Variants in LRRC7 observed in about 807,000 individuals in gnomAD.
LRRC7 encodes the protein leucine rich repeat containing 7, also known as leucine-rich repeat-containing protein 7.
A neutral mutation model predicts 175.7 loss-of-function variants in LRRC7; 23 were observed. That is an observed-to-expected ratio of 0.13 (90% CI 0.09 to 0.19). LRRC7 has a LOEUF of 0.19. Ranked by LOEUF, LRRC7 falls within the 10% of genes least tolerant of loss-of-function variation. LRRC7 has a pLI of 1.00. For synonymous variants in LRRC7, 685 were observed against 680.9 expected (o/e 1.01, Z -0.09); for missense variants, 1,354 against 1,904.7 (o/e 0.71, Z 5.38).
In LRRC7 at chr1:70,140,443, A is replaced by C. The variant is rs753068436; in HGVS notation, c.*18556A>C. 6 of 152,068 alleles carry C rather than the reference A, an allele frequency of 3.9e-5. No homozygotes were observed. The highest frequency in any genetic ancestry group is 7.4e-5 in the Non-Finnish European group (5 of 68,002). 9.4% of individuals were successfully genotyped at this position (152,068 alleles called of 1,614,324 possible). A position where few individuals can be genotyped will look rare whatever the true frequency, so the allele number is the denominator to read the frequency against. On this transcript the variant is annotated 3_prime_UTR_variant, in exon 27 of 27. Coordinates refer to ENST00000651989, the MANE Select transcript of LRRC7 (RefSeq NM_001370785.2). ...TGTTTCTTTAAATCCTCAATGCTTAAATTGCCATGTAGAAATCAACTCCCT... is the reference window on the plus strand; with the variant it reads ...TGTTTCTTTAAATCCTCAATGCTTACATTGCCATGTAGAAATCAACTCCCT...
intron 11 of LRRC7, among the ~76,000 whole-genome samples, chr1:69,999,542 T>C (rs1422052894): frequency 6.6e-6 from 1 of 152,162 alleles, no homozygotes; most frequent in African/African-American, 2.4e-5. Context: ...AATCATTGCT[T>C]CAATTGGCCA....
intron 4 of LRRC7, among the ~76,000 whole-genome samples, chr1:69,814,710 T>C (rs551445094): frequency 1.3e-5 from 2 of 152,136 alleles, no homozygotes; most frequent in African/African-American, 4.8e-5. Context: ...CAAAGAACTT[T>C]CCCTAAACTC....
intron 1 of LRRC7, among the ~76,000 whole-genome samples, chr1:69,664,748 G>A (rs1349652015): frequency 6.6e-6 from 1 of 152,090 alleles, no homozygotes; most frequent in African/African-American, 2.4e-5. Flanking sequence ...CTCCAATTCT[G>A]TGGGTTGTTG....
intron 25 of LRRC7, among the ~76,000 whole-genome samples, chr1:70,094,382 A>G (rs898327404): frequency 2.0e-5 from 3 of 152,218 alleles, no homozygotes; most frequent in Non-Finnish European, 4.4e-5. Context: ...AGAAAAAAAC[A>G]AATTCATGGT....
chr1:69,625,122 G>A (rs991554777), intron 1 of LRRC7, among the ~76,000 whole-genome samples: 1 of 151,784 alleles, frequency 6.6e-6, no homozygotes, highest in African/African-American at 2.4e-5. Flanking sequence ...GTCTGAGCAA[G>A]GAGTTTTCTT....
chr1:69,781,707 GA>G lies in LRRC7; in HGVS notation c.304-10333del, dbSNP rs1479292084. 2.4e-3 allele frequency among the ~76,000 whole-genome samples: 61 copies of G among 25,746 alleles called. 3 individuals carry two copies. The highest frequency in any genetic ancestry group is 0.014 in the African/African-American group (55 of 4,030). 16.9% of individuals were successfully genotyped at this position (25,746 alleles called of 152,430 possible). A position where few individuals can be genotyped will look rare whatever the true frequency, so the allele number is the denominator to read the frequency against. ...AAAAAAGAAGAAAGAAAGAAAGAAA[GA>G]AAGAAAGAAAGAAAGAAAGAAAGAA... On this transcript the variant is annotated intron_variant, in intron 3 of 26. Coordinates refer to ENST00000651989, the MANE Select transcript of LRRC7 (RefSeq NM_001370785.2).
chr1:69,992,374 A>C (rs143435890), intron 10 of LRRC7, among the ~76,000 whole-genome samples: 5 of 152,132 alleles, frequency 3.3e-5, no homozygotes, highest in South Asian at 2.1e-4. Context: ...CTTAGTTGGG[A>C]GTATAGGATG....
chr1:69,654,711 A>G (rs1018536231), intron 1 of LRRC7, among the ~76,000 whole-genome samples: 2 of 152,096 alleles, frequency 1.3e-5, no homozygotes, highest in African/African-American at 4.8e-5. Flanking sequence ...GATAACTGCT[A>G]TTAGGTTTCA....
intron 1 of LRRC7, among the ~76,000 whole-genome samples, chr1:69,606,242 A>G (rs1647544740): frequency 6.6e-6 from 1 of 152,094 alleles, no homozygotes; most frequent in Non-Finnish European, 1.5e-5. Flanking sequence ...ATATCTTTAG[A>G]GCTGGTTCAA....
At chr1:69,871,056 AC>A (rs748883596) in intron 7 of LRRC7, among the ~76,000 whole-genome samples, 19 of 151,376 alleles carry the variant, frequency 1.3e-4, no homozygotes, top group Non-Finnish European at 1.0e-4. Context: ...TAATTCATTG[AC>A]TTTTAATAAT....
intron 2 of LRRC7, among the ~76,000 whole-genome samples, chr1:69,746,635 T>C (rs761622432): frequency 6.6e-6 from 1 of 151,954 alleles, no homozygotes; most frequent in Non-Finnish European, 1.5e-5. Flanking sequence ...ATGTCTGCCA[T>C]GCAATGTCTG....
intron 3 of LRRC7, among the ~76,000 whole-genome samples, chr1:69,768,021 G>A (rs1213824890): frequency 5.9e-5 from 9 of 151,988 alleles, no homozygotes; most frequent in Admixed American, 1.3e-4. Flanking sequence ...ACTCCACGCC[G>A]GCCACTCATG....
intron 25 of LRRC7, among the ~76,000 whole-genome samples, chr1:70,105,148 T>C (rs1027687874): frequency 6.6e-6 from 1 of 152,192 alleles, no homozygotes; most frequent in African/African-American, 2.4e-5. Context: ...GAAAGAACCA[T>C]GGGGATTATA....
At chr1:70,078,943 A>T (rs1663014414) in intron 24 of LRRC7, among the ~76,000 whole-genome samples, 1 of 152,150 alleles carries the variant, frequency 6.6e-6, no homozygotes, top group Admixed American at 6.6e-5. Context: ...AAACTTAATG[A>T]TTATCAGTCC....
intron 16 of LRRC7, 41 bp from the exon 17 acceptor site, chr1:70,023,085 C>G: frequency 2.1e-6 from 3 of 1,396,698 alleles, no homozygotes; most frequent in Non-Finnish European, 2.8e-6. Context: ...TGCTACAGTG[C>G]TCCTCTTTCT....
At chr1:69,865,615 G>A (rs1684862330) in intron 7 of LRRC7, among the ~76,000 whole-genome samples, 1 of 151,096 alleles carries the variant, frequency 6.6e-6, no homozygotes, top group African/African-American at 2.4e-5. Context: ...CGAGTGGCTG[G>A]GACTACAGGC....
At chr1:70,064,976 A>G (rs952566386) in intron 23 of LRRC7, among the ~76,000 whole-genome samples, 2 of 152,038 alleles carry the variant, frequency 1.3e-5, no homozygotes, top group East Asian at 1.9e-4. Flanking sequence ...TTGTTTCTCA[A>G]TAACATAGTA....
rs1170201320 is a variant in LRRC7 at position 69,657,044 on chromosome 1, T to G, written c.3-21337T>G. 2.6e-5 allele frequency among the ~76,000 whole-genome samples: 4 copies of G among 151,928 alleles called. No individual in the cohort carries two copies. The East Asian group carries it at 7.7e-4, about 29-fold the overall frequency. ...AAATATTTAATGAGAAGCAAAACAT[T>G]ATAATGTTTCATTTTATTGTAAACC... On this transcript the variant is annotated intron_variant, in intron 1 of 26. Coordinates refer to ENST00000651989, the MANE Select transcript of LRRC7 (RefSeq NM_001370785.2).
At chr1:70,015,803 A>G (rs1241160532) in intron 13 of LRRC7, among the ~76,000 whole-genome samples, 1 of 152,204 alleles carries the variant, frequency 6.6e-6, no homozygotes, top group Non-Finnish European at 1.5e-5. Flanking sequence ...ATGAAGGTCA[A>G]AAGAACATAC....
Sources: gnomAD v4.1 joint callset for allele counts (sites outside exome capture counted in the v4.1 genomes callset) on GRCh38, gnomAD v4.1.1 for gene constraint, MANE v1.5 for transcripts, NCBI Gene and HGNC (gene_info 2026-07-23, HGNC 2026-07-21) for gene names.